The following MPPE1 variants were observed in gnomAD, a reference collection of about 807,000 sequenced individuals.
The protein encoded by MPPE1 is metallo phosphoesterase.
MPPE1 carries 28 observed loss-of-function variants against 43.8 expected under a neutral mutation model. The observed-to-expected ratio is 0.64, with a 90% CI of 0.47 to 0.88. The LOEUF (loss-of-function observed/expected upper bound fraction) is 0.88. Ranked by LOEUF, MPPE1 falls within the 40% of genes least tolerant of loss-of-function variation. The pLI is 0.00. For missense variants in MPPE1, 428 were observed against 492.2 expected (o/e 0.87, Z 1.23); for synonymous variants, 159 against 188.5 (o/e 0.84, Z 1.28).
intron 4 of MPPE1, among the ~76,000 whole-genome samples, chr18:11,892,355 G>GAAAAAAAAAA (rs548540889): frequency 1.1e-5 from 1 of 93,412 alleles, no homozygotes; most frequent in Admixed American, 1.2e-4. Context: ...GCACCAAAAA[G>GAAAAAAAAAA]AAAAAAAAAA....
Position 11,885,797 on chromosome 18 carries a change from G to T in MPPE1, c.887C>A (p.Pro296Gln), listed in dbSNP as rs559673104. 1.2e-6 allele frequency: 2 copies of T among 1,610,106 alleles called. No individual in the cohort carries two copies. Among genetic ancestry groups the T allele is most frequent in the South Asian group, 1.1e-5 (1 of 90,954 alleles). The change falls in exon 10 of 11, where the codon CCG becomes CAG. Residue 296 changes from proline (P) to glutamine (Q), a missense_variant. By Grantham distance (76) the Pro-to-Gln change is moderately conservative. Transcript: ENST00000588072. ...CGTGTGGCCACTGAGAACCAGGCGC[G>T]GCTGGAGCCACCACAGCAGCTGACA... ...ASQKLLWWLQ[P>Q]RLVLSGHTHS... is the part of the protein sequence containing the mutation.
At chr18:11,887,459 G>A (rs577720472) in intron 6 of MPPE1, among the ~76,000 whole-genome samples, 6 of 152,332 alleles carry the variant, frequency 3.9e-5, no homozygotes, top group South Asian at 2.1e-4. Context: ...TACTCAGTAC[G>A]TGTCAGATAT....
At chr18:11,901,413 T>C (rs750776142) in intron 2 of MPPE1, among the ~76,000 whole-genome samples, 15 of 151,934 alleles carry the variant, frequency 9.9e-5, no homozygotes, top group Non-Finnish European at 1.3e-4. Context: ...ATATTATTAG[T>C]AGAGATGGAG....
chr18:11,886,858 C>G lies in MPPE1; in HGVS notation c.678+59G>C. 1 of 1,593,736 alleles carries G rather than the reference C, an allele frequency of 6.3e-7. No individual in the cohort carries two copies. Among genetic ancestry groups the G allele is most frequent in the Non-Finnish European group, 8.6e-7 (1 of 1,165,874 alleles). On this transcript the variant is annotated intron_variant, in intron 7 of 10. Transcript: ENST00000588072. The surrounding 1 kb of genome is among the most constrained non-coding windows in gnomAD (Gnocchi z 4.1). ...AAGAAGCGCTAGGGGGCTGAGTGAG[C>G]AACCGAAGCGGAGCAACACGGGACA...
In MPPE1 at chr18:11,884,306, A is replaced by T. The variant is rs757093773; in HGVS notation, c.*139T>A. On this transcript the variant is annotated 3_prime_UTR_variant, in exon 11 of 11. Coordinates refer to ENST00000588072, the MANE Select transcript of MPPE1 (RefSeq NM_023075.6). ...ACAATCAACTATTTATTTTGCAGTTACTCATTTCAGTGATTGAGAATTTCT... is the reference window on the plus strand; with the variant it reads ...ACAATCAACTATTTATTTTGCAGTTTCTCATTTCAGTGATTGAGAATTTCT... 2 of 770,116 alleles carry T rather than the reference A, an allele frequency of 2.6e-6. No homozygotes were observed. Among genetic ancestry groups the T allele is most frequent in the Non-Finnish European group, 4.3e-6 (2 of 465,184 alleles). The allele number at this position is 770,116 out of a possible 1,614,324, so 47.7% of individuals were successfully genotyped here.
At position 11,886,878 on chromosome 18, in the gene MPPE1, G is replaced by C. The variant is rs777476668; in HGVS notation, c.678+39C>G. ...GTGAGCAACCGAAGCGGAGCAACAC[G>C]GGACAGAAGGCACCTGTGGCATTCA... On this transcript the variant is annotated intron_variant, in intron 7 of 10. Transcript: ENST00000588072. The surrounding 1 kb of genome is among the most constrained non-coding windows in gnomAD (Gnocchi z 4.1). 2 of 1,596,302 alleles carry C rather than the reference G, an allele frequency of 1.3e-6. No individual in the cohort carries two copies. The highest frequency in any genetic ancestry group is 1.7e-6 in the Non-Finnish European group (2 of 1,166,968).
intron 2 of MPPE1, chr18:11,902,159 T>A (rs773727394): frequency 1.3e-5 from 2 of 152,020 alleles, no homozygotes; most frequent in African/African-American, 2.4e-5. Context: ...AGGGCAATGG[T>A]GTAAACCAGG....
At chr18:11,907,431 T>C (rs890592460) in intron 1 of MPPE1, among the ~76,000 whole-genome samples, 32 of 152,320 alleles carry the variant, frequency 2.1e-4, no homozygotes, top group African/African-American at 7.2e-4. Flanking sequence ...CCCGACCACC[T>C]TGCGTACGCG....
intron 4 of MPPE1, among the ~76,000 whole-genome samples, chr18:11,891,845 G>A (rs796231570): frequency 3.3e-5 from 5 of 152,206 alleles, no homozygotes; most frequent in South Asian, 2.1e-4. Flanking sequence ...TTGAGACAGC[G>A]TCTCACTCTG....
Position 11,897,135 on chromosome 18 carries a change from A to C in MPPE1, c.130T>G (p.Leu44Val). 1 of 1,428,642 alleles carries C rather than the reference A, an allele frequency of 7.0e-7. No homozygotes were observed. The highest frequency in any genetic ancestry group is 1.2e-5 in the South Asian group (1 of 84,060). The allele number at this position is 1,428,642 out of a possible 1,614,324, so 88.5% of individuals were successfully genotyped here. The change falls in exon 3 of 11, where the codon TTA (leucine) becomes GTA (valine). Residue 44 changes from leucine (L) to valine (V), a missense_variant. By Grantham distance (32) the Leu-to-Val change is conservative. Around this residue, in one of 3 missense-constraint regions of MPPE1, gnomAD observed 48 missense variants for 73.5 expected, o/e 0.65. Coordinates refer to ENST00000588072, the MANE Select transcript of MPPE1 (RefSeq NM_023075.6). Reference sequence around the variant, plus strand: ...GGCCAATTACACTGAAAGATCGCTAAGTAATAGATTAAAAATTCACAAAAT... The same window carrying C: ...GGCCAATTACACTGAAAGATCGCTACGTAATAGATTAAAAATTCACAAAAT... ...LLFCEFLIYY[L>V]AIFQCNWPEV...
In MPPE1 at chr18:11,889,378, A is replaced by G. The variant is rs1201802527; in HGVS notation, c.494+9T>C. The G allele has an allele frequency of 6.4e-7, 1 of 1,573,494 alleles. No homozygotes were observed. Among genetic ancestry groups the G allele is most frequent in the Non-Finnish European group, 8.7e-7 (1 of 1,147,504 alleles). Reference sequence around the variant, plus strand: ...CTCTCAGGGTGCAGGGCTTTTGTGAACTACTTACTCATAATGGAAGCCAAT... The same window carrying G: ...CTCTCAGGGTGCAGGGCTTTTGTGAGCTACTTACTCATAATGGAAGCCAAT... On this transcript the variant is annotated intron_variant, in intron 5 of 10. Coordinates refer to ENST00000588072, the MANE Select transcript of MPPE1 (RefSeq NM_023075.6).
chr18:11,886,371 C>T lies in MPPE1; in HGVS notation c.867+128G>A. The T allele has an allele frequency of 1.5e-6, 2 of 1,327,640 alleles. No homozygotes were observed. Among genetic ancestry groups the T allele is most frequent in the Non-Finnish European group, 2.1e-6 (2 of 936,980 alleles). 82.2% of individuals were successfully genotyped at this position (1,327,640 alleles called of 1,614,324 possible). On this transcript the variant is annotated intron_variant, in intron 9 of 10. Transcript: ENST00000588072. This position sits in a 1 kb window ranked among gnomAD's most constrained non-coding sequence, Gnocchi z 4.1. ...AAGCCAGGCCTCCACCCCTGTCCCC[C>T]CAGGTGATAACTAAGTCATGAACGT...
intron 4 of MPPE1, 175 bp downstream of exon 4, chr18:11,893,293 T>C (rs1281342979): frequency 7.0e-6 from 4 of 569,190 alleles, no homozygotes; most frequent in Non-Finnish European, 1.3e-5. Flanking sequence ...CTAATAATCT[T>C]AGATAGCCTA....
chr18:11,895,819 C>A (rs1299878651), intron 3 of MPPE1, among the ~76,000 whole-genome samples: 1 of 152,112 alleles, frequency 6.6e-6, no homozygotes, highest in Non-Finnish European at 1.5e-5. Flanking sequence ...TCACCTCCAC[C>A]TCCTAAAGTG....
intron 2 of MPPE1, chr18:11,902,963 T>A (rs1054879562): frequency 6.6e-6 from 1 of 152,338 alleles, no homozygotes. Context: ...TCACTCAGCA[T>A]GGCCTCTTAC....
intron 3 of MPPE1, among the ~76,000 whole-genome samples, chr18:11,894,431 C>CAAAAAAAAA (rs66687820): frequency 4.6e-5 from 3 of 65,164 alleles, no homozygotes; most frequent in Non-Finnish European, 9.1e-5. Flanking sequence ...GACTCCATCT[C>CAAAAAAAAA]AAAAAAAAAA....
chr18:11,904,619 C>T (rs2039529548), intron 2 of MPPE1, among the ~76,000 whole-genome samples: 1 of 152,126 alleles, frequency 6.6e-6, no homozygotes, highest in African/African-American at 2.4e-5. Flanking sequence ...GCGCCCAGCC[C>T]AACATGATCA....
intron 5 of MPPE1, 149 bp from the exon 6 acceptor site, chr18:11,888,892 C>G (rs1456527361): frequency 3.9e-6 from 2 of 514,176 alleles, no homozygotes; most frequent in Non-Finnish European, 6.7e-6. Context: ...GATAGCAAAG[C>G]TCAAATTTTA....
At position 11,885,948 on chromosome 18, in the gene MPPE1, T is replaced by C. The variant is rs1190189277; in HGVS notation, c.868-132A>G. The C allele has an allele frequency of 1.2e-5, 11 of 926,232 alleles. No homozygotes were observed. In the Middle Eastern group the frequency reaches 7.1e-4, roughly 60 times the overall value. 57.4% of individuals were successfully genotyped at this position (926,232 alleles called of 1,614,324 possible). A position where few individuals can be genotyped will look rare whatever the true frequency, so the allele number is the denominator to read the frequency against. On this transcript the variant is annotated intron_variant, in intron 9 of 10. Transcript: ENST00000588072. ...ATACTAAATCCTTATTTTGAAGGAC[T>C]GGTTTATTTTTTTCCTTAAAAATCC...
Sources: gnomAD v4.1 joint callset for allele counts (sites outside exome capture counted in the v4.1 genomes callset) on GRCh38, gnomAD v4.1.1 for gene constraint, gnomAD v4.1.1 regional missense constraint, Gnocchi (gnomAD v3.1) non-coding constraint, MANE v1.5 for transcripts, NCBI Gene and HGNC (gene_info 2026-07-23, HGNC 2026-07-21) for gene names.